CTNNA2: variants seen among roughly 807,000 people sequenced by gnomAD.
CTNNA2 encodes the protein catenin alpha 2.
Under a neutral mutation model 101.0 loss-of-function variants are expected in CTNNA2, and 42 were observed. That is an observed-to-expected ratio of 0.42 (90% CI 0.32 to 0.54). CTNNA2 has a LOEUF of 0.54. CTNNA2 is among the 20% of genes least tolerant of loss of function. The pLI, the probability that CTNNA2 is intolerant of heterozygous loss-of-function variation, is 0.14. For missense variants in CTNNA2, 871 were observed against 1,223.1 expected (o/e 0.71, Z 4.29); for synonymous variants, 450 against 456.4 (o/e 0.99, Z 0.18).
intron 7 of CTNNA2, among the ~76,000 whole-genome samples, chr2:80,195,184 T>G (rs539640939): frequency 6.6e-6 from 1 of 152,324 alleles, no homozygotes; most frequent in East Asian, 1.9e-4. Context: ...CTCTTGGTTT[T>G]ATAGTCTATA....
intron 2 of CTNNA2, among the ~76,000 whole-genome samples, chr2:79,724,489 T>G (rs1053582447): frequency 6.6e-6 from 1 of 151,884 alleles, no homozygotes; most frequent in Admixed American, 6.6e-5. Context: ...TATTAGCCAC[T>G]CAAGATGTTC....
intron 7 of CTNNA2, among the ~76,000 whole-genome samples, chr2:80,043,098 TCTCTCTC>T (rs1558755098): frequency 7.3e-4 from 18 of 24,580 alleles, no homozygotes; most frequent in South Asian, 1.1e-3. Flanking sequence ...TTTCTTTCTC[TCTCTCTC>T]TCTCTCTTTC....
intron 6 of CTNNA2, among the ~76,000 whole-genome samples, chr2:79,898,255 T>A (rs1000548779): frequency 6.6e-6 from 1 of 152,068 alleles, no homozygotes; most frequent in Non-Finnish European, 1.5e-5. Context: ...TGCCTCAGCC[T>A]CCCGAGTAGC....
intron 3 of CTNNA2, among the ~76,000 whole-genome samples, chr2:79,839,411 T>C (rs1041314680): frequency 1.3e-5 from 2 of 152,048 alleles, no homozygotes; most frequent in African/African-American, 4.8e-5. Flanking sequence ...TTTTTACTTA[T>C]CTTGTTCAGT....
intron 2 of CTNNA2, among the ~76,000 whole-genome samples, chr2:79,231,652 T>C (rs529716394): frequency 3.8e-4 from 58 of 152,304 alleles, no homozygotes; most frequent in Non-Finnish European, 6.3e-4. Context: ...TTGGGCAGTA[T>C]GGCCATTAAT....
intron 1 of CTNNA2, among the ~76,000 whole-genome samples, chr2:79,616,918 T>TTTTTTTTTTTTTC (rs796199835): frequency 5.1e-4 from 77 of 151,490 alleles, no homozygotes; most frequent in African/African-American, 1.8e-3. Context: ...TCTTTTTTTT[T>TTTTTTTTTTTTTC]CGAGACACAG....
intron 9 of CTNNA2, among the ~76,000 whole-genome samples, chr2:80,448,486 C>T (rs1288002904): frequency 1.3e-5 from 2 of 152,146 alleles, no homozygotes; most frequent in African/African-American, 2.4e-5. Flanking sequence ...CCTGACTACA[C>T]ATTAGCATTA....
intron 7 of CTNNA2, chr2:80,299,451 G>T (rs1242048856): frequency 4.0e-5 from 6 of 151,692 alleles, no homozygotes; most frequent in Admixed American, 3.9e-4. Flanking sequence ...GACAACGTTT[G>T]CTTGCCTACA....
intron 7 of CTNNA2, among the ~76,000 whole-genome samples, chr2:80,354,889 G>T (rs1673632836): frequency 1.3e-5 from 2 of 152,136 alleles, no homozygotes; most frequent in African/African-American, 4.8e-5. Flanking sequence ...CTGGGTCAGG[G>T]ATTGTTGCTC....
In CTNNA2 at chr2:79,983,109, A is replaced by C. The variant is rs139979036; in HGVS notation, c.1056+73312A>C. ...GCAACTATATAACCCCTCAAGGTCC[A>C]GTCAACAGTTTTATATATATATGTG... On this transcript the variant is annotated intron_variant, in intron 7 of 18. Transcript: ENST00000402739. Among the ~76,000 whole-genome samples the C allele has an allele frequency of 2.4e-3, 355 of 150,664 alleles. 1 individual carries two copies. The highest frequency in any genetic ancestry group is 3.7e-3 in the Non-Finnish European group (251 of 67,750).
chr2:80,406,314 A>G (rs898275729), intron 8 of CTNNA2, among the ~76,000 whole-genome samples: 2 of 150,988 alleles, frequency 1.3e-5, no homozygotes, highest in African/African-American at 4.9e-5. Flanking sequence ...AGCCTGGGCG[A>G]CAAGAGCAAA....
chr2:79,581,318 G>C (rs1277715205), intron 1 of CTNNA2, among the ~76,000 whole-genome samples: 2 of 152,160 alleles, frequency 1.3e-5, no homozygotes, highest in Non-Finnish European at 2.9e-5. Context: ...TTGAGGTCAG[G>C]AGTTAGAGAC....
chr2:79,515,847 A>G (rs1394706486), intron 1 of CTNNA2, among the ~76,000 whole-genome samples: 1 of 152,170 alleles, frequency 6.6e-6, no homozygotes, highest in Non-Finnish European at 1.5e-5. Flanking sequence ...AAGAGCCAAT[A>G]GAAGATCTTA....
chr2:79,434,434 C>A (rs1362961060), intron 4 of CTNNA2, among the ~76,000 whole-genome samples: 1 of 152,014 alleles, frequency 6.6e-6, no homozygotes, highest in Non-Finnish European at 1.5e-5. Flanking sequence ...AAAATGTTCA[C>A]AGGAAACACA....
At chr2:79,622,091 A>T (rs888554764) in intron 1 of CTNNA2, among the ~76,000 whole-genome samples, 1 of 152,220 alleles carries the variant, frequency 6.6e-6, no homozygotes, top group Admixed American at 6.5e-5. Context: ...AAATCTGAAT[A>T]AAAGTACATA....
At chr2:79,348,770 T>C (rs1330634777) in intron 3 of CTNNA2, among the ~76,000 whole-genome samples, 1 of 152,216 alleles carries the variant, frequency 6.6e-6, no homozygotes, top group Non-Finnish European at 1.5e-5. Flanking sequence ...ATCTTCCCCT[T>C]GTCTAGACAC....
At chr2:80,379,868 A>C (rs972954992) in intron 7 of CTNNA2, among the ~76,000 whole-genome samples, 4 of 152,068 alleles carry the variant, frequency 2.6e-5, no homozygotes, top group Non-Finnish European at 5.9e-5. Flanking sequence ...TAACAGTTTT[A>C]AGCCTATGGA....
At chr2:79,827,272 A>G (rs1028880405) in intron 3 of CTNNA2, among the ~76,000 whole-genome samples, 1 of 152,266 alleles carries the variant, frequency 6.6e-6, no homozygotes, top group African/African-American at 2.4e-5. Context: ...TCCTGACCTC[A>G]GGTGATCCAC....
At chr2:79,635,072 A>G (rs1679931079) in intron 1 of CTNNA2, among the ~76,000 whole-genome samples, 1 of 152,166 alleles carries the variant, frequency 6.6e-6, no homozygotes, top group Non-Finnish European at 1.5e-5. Flanking sequence ...ACCAGCCAAG[A>G]GGGTCTTTCA....
Sources: allele counts gnomAD v4.1 joint callset (sites outside exome capture counted in the v4.1 genomes callset), GRCh38; gene constraint gnomAD v4.1.1; transcripts MANE v1.5; gene names NCBI Gene and HGNC (gene_info 2026-07-23, HGNC 2026-07-21).